The following SLC25A21 variants were observed in gnomAD, a reference collection of about 807,000 sequenced individuals.
SLC25A21 encodes mitochondrial 2-oxodicarboxylate carrier.
SLC25A21 carries 47 observed loss-of-function variants against 43.8 expected under a neutral mutation model. The ratio of observed to expected loss-of-function variants is 1.07; its 90% CI spans 0.85 to 1.37. SLC25A21 has a LOEUF of 1.37. Ranked by LOEUF, SLC25A21 falls within the 40% of genes most tolerant of loss-of-function variation. The probability of loss-of-function intolerance (pLI) is 0.00; values close to 1 mark genes in which losing one functional copy is unlikely to be tolerated. For missense variants in SLC25A21, 352 were observed against 350.2 expected, an observed-to-expected ratio of 1.00 and a Z score of -0.04; for synonymous variants, 131 against 121.3, an observed-to-expected ratio of 1.08 and a Z score of -0.52.
chr14:36,698,577 C>T (rs1883141198), intron 7 of SLC25A21, among the ~76,000 whole-genome samples: 1 of 152,198 alleles, frequency 6.6e-6, no homozygotes, highest in African/African-American at 2.4e-5. Flanking sequence ...GGTCTTTTCA[C>T]ATAGTCCCAT....
At chr14:36,901,547 C>T (rs1891399606) in intron 1 of SLC25A21, among the ~76,000 whole-genome samples, 1 of 152,058 alleles carries the variant, frequency 6.6e-6, no homozygotes. Flanking sequence ...ATATTTAATA[C>T]TAACACAAAT....
At chr14:36,929,544 T>C (rs1290807914) in intron 1 of SLC25A21, among the ~76,000 whole-genome samples, 1 of 152,152 alleles carries the variant, frequency 6.6e-6, no homozygotes, top group South Asian at 2.1e-4. Context: ...AGAAGATTTT[T>C]TGTGTGTGAT....
At chr14:36,912,672 C>A (rs1321322823) in intron 1 of SLC25A21, among the ~76,000 whole-genome samples, 2 of 152,152 alleles carry the variant, frequency 1.3e-5, no homozygotes, top group African/African-American at 4.8e-5. Flanking sequence ...GTATAAAGTT[C>A]TTTCACGTGG....
At chr14:36,779,544 C>T (rs1274083785) in intron 3 of SLC25A21, among the ~76,000 whole-genome samples, 2 of 130,936 alleles carry the variant, frequency 1.5e-5, no homozygotes, top group Middle Eastern at 5.1e-3. Context: ...TAAGAATAAA[C>T]ATATTCTTAT....
intron 7 of SLC25A21, among the ~76,000 whole-genome samples, chr14:36,699,650 C>G (rs1307379457): frequency 1.3e-5 from 2 of 152,156 alleles, no homozygotes; most frequent in Non-Finnish European, 2.9e-5. Flanking sequence ...CAAGCCTAAG[C>G]GATGGTGGAT....
intron 3 of SLC25A21, chr14:36,788,880 T>A (rs1887345853): frequency 6.6e-6 from 1 of 152,086 alleles, no homozygotes; most frequent in Non-Finnish European, 1.5e-5. Context: ...AAAAGATCAG[T>A]TTTCCAACTG....
chr14:37,014,561 G>C (rs1960804258), intron 1 of SLC25A21, among the ~76,000 whole-genome samples: 1 of 152,048 alleles, frequency 6.6e-6, no homozygotes, highest in South Asian at 2.1e-4. Context: ...AGTCTTCTAT[G>C]AGAATTGGAA....
At chr14:36,706,820 T>A (rs1423876539) in intron 7 of SLC25A21, among the ~76,000 whole-genome samples, 1 of 152,106 alleles carries the variant, frequency 6.6e-6, no homozygotes, top group African/African-American at 2.4e-5. Context: ...CCCCACCACT[T>A]TGTATTGCAG....
chr14:36,745,014 C>A (rs1885433580), intron 3 of SLC25A21, among the ~76,000 whole-genome samples: 2 of 151,614 alleles, frequency 1.3e-5, no homozygotes, highest in Admixed American at 1.3e-4. Flanking sequence ...CCCCAGCCCC[C>A]CACCCTCCAA....
At chr14:36,908,219 T>C (rs978308383) in intron 1 of SLC25A21, among the ~76,000 whole-genome samples, 1 of 152,206 alleles carries the variant, frequency 6.6e-6, no homozygotes, top group African/African-American at 2.4e-5. Context: ...ATGTAAACTA[T>C]GGCCTTTGAT....
Position 36,679,761 on chromosome 14 carries a change from G to C in SLC25A21, c.*897C>G. On this transcript the variant is annotated 3_prime_UTR_variant, in exon 10 of 10. Coordinates refer to ENST00000331299, the MANE Select transcript of SLC25A21 (RefSeq NM_030631.4). ...GGCACAGGTAGGCATGCTGAATAAA[G>C]GTATTTGGATGCAAATACTGATGGC... 1 of 985,306 alleles carries C rather than the reference G, an allele frequency of 1.0e-6. No individual in the cohort carries two copies. Among genetic ancestry groups the C allele is most frequent in the Non-Finnish European group, 1.2e-6 (1 of 829,846 alleles). The allele number at this position is 985,306 out of a possible 1,614,324, so 61.0% of individuals were successfully genotyped here. A position where few individuals can be genotyped will look rare whatever the true frequency, so the allele number is the denominator to read the frequency against.
At chr14:36,940,334 C>T (rs1892525576) in intron 1 of SLC25A21, among the ~76,000 whole-genome samples, 1 of 151,856 alleles carries the variant, frequency 6.6e-6, no homozygotes, top group South Asian at 2.1e-4. Context: ...ATAAAATTTT[C>T]TCTAAGATTT....
intron 1 of SLC25A21, among the ~76,000 whole-genome samples, chr14:37,114,081 C>T (rs1011966701): frequency 1.3e-5 from 2 of 151,870 alleles, no homozygotes; most frequent in Non-Finnish European, 2.9e-5. Context: ...TCTGACATTC[C>T]ATTTTTCTTC....
intron 1 of SLC25A21, among the ~76,000 whole-genome samples, chr14:37,161,917 C>T (rs1379760054): frequency 1.4e-5 from 2 of 138,592 alleles, no homozygotes; most frequent in African/African-American, 2.7e-5. Flanking sequence ...GAGCCGAGAT[C>T]GCCTCAATGC....
intron 1 of SLC25A21, among the ~76,000 whole-genome samples, chr14:36,903,928 T>A (rs1183230290): frequency 1.3e-5 from 2 of 152,216 alleles, no homozygotes; most frequent in Non-Finnish European, 2.9e-5. Context: ...CAAGAAAGTG[T>A]CACTCTTGCC....
At chr14:36,828,909 T>C (rs1284019279) in intron 2 of SLC25A21, among the ~76,000 whole-genome samples, 1 of 152,160 alleles carries the variant, frequency 6.6e-6, no homozygotes, top group Non-Finnish European at 1.5e-5. Flanking sequence ...TTCTTTGTTT[T>C]GTTTATTTGC....
At chr14:37,077,951 A>G (rs903340506) in intron 1 of SLC25A21, among the ~76,000 whole-genome samples, 1 of 152,194 alleles carries the variant, frequency 6.6e-6, no homozygotes, top group African/African-American at 2.4e-5. Context: ...AAATTTTTTT[A>G]AAATTTTTAA....
chr14:37,139,269 A>G, intron 1 of SLC25A21, among the ~76,000 whole-genome samples: 1 of 152,138 alleles, frequency 6.6e-6, no homozygotes, highest in East Asian at 1.9e-4. Flanking sequence ...AATCATTTTG[A>G]AAATAAATAA....
intron 1 of SLC25A21, among the ~76,000 whole-genome samples, chr14:37,077,279 T>C (rs1295113721): frequency 2.0e-5 from 3 of 152,238 alleles, no homozygotes; most frequent in East Asian, 1.9e-4. Flanking sequence ...ATAATGTGTT[T>C]AGAAAAAATT....
Sources: allele counts gnomAD v4.1 joint callset (sites outside exome capture counted in the v4.1 genomes callset), GRCh38; gene constraint gnomAD v4.1.1; transcripts MANE v1.5; gene names NCBI Gene and HGNC (gene_info 2026-07-23, HGNC 2026-07-21).